CDH13: variants seen among roughly 807,000 people sequenced by gnomAD.
The protein encoded by CDH13 is cadherin-13.
In CDH13, 24 loss-of-function variants were observed where a neutral mutation model predicts 63.8. That is an observed-to-expected ratio of 0.38 (90% confidence interval 0.27 to 0.53). CDH13 has a LOEUF of 0.53. Ranked by LOEUF, CDH13 falls within the 20% of genes least tolerant of loss-of-function variation. CDH13 has a pLI of 0.85. For synonymous variants in CDH13, 503 were observed against 355.3 expected (o/e 1.42, Z -4.67); for missense variants, 1,049 against 903.1 (o/e 1.16, Z -2.07).
intron 5 of CDH13, among the ~76,000 whole-genome samples, chr16:83,316,769 G>C (rs1597730177): frequency 2.6e-5 from 4 of 152,276 alleles, no homozygotes; most frequent in South Asian, 2.1e-4. Flanking sequence ...GGTATTAGTT[G>C]GGTTACTTTT....
intron 6 of CDH13, among the ~76,000 whole-genome samples, chr16:83,460,598 A>C (rs1226846733): frequency 6.6e-6 from 1 of 152,164 alleles, no homozygotes; most frequent in African/African-American, 2.4e-5. Context: ...ATACAAACAG[A>C]TGATTTCATT....
rs539275478 is a variant in CDH13, at chr16:83,288,619, T to C, written c.637-56243T>C. On this transcript the variant is annotated intron_variant, in intron 5 of 13. Coordinates refer to ENST00000567109, the MANE Select transcript of CDH13 (RefSeq NM_001257.5). ...TGCGGTGACATTCACATGGCAGAGT[T>C]ACCAAGAAGAAAGCTTGTGTCCCCA... Among the ~76,000 whole-genome samples, 3 of 152,318 alleles carry C rather than the reference T, an allele frequency of 2.0e-5. No individual in the cohort carries two copies. In the East Asian group the frequency reaches 5.8e-4, roughly 29 times the overall value.
intron 4 of CDH13, among the ~76,000 whole-genome samples, chr16:83,137,896 T>A (rs1003136913): frequency 6.6e-6 from 1 of 151,552 alleles, no homozygotes; most frequent in African/African-American, 2.4e-5. Context: ...AGGGGAGGAA[T>A]GAATGAAGAA....
In CDH13 at chr16:83,141,217, C is replaced by T. The variant is rs79242678; in HGVS notation, c.483+15716C>T. ...AATACCTCACTTGATAGATAAGACA[C>T]AAAATGATTTTTCTGGGATCACAAG... is the stretch of plus-strand genomic sequence containing the variant. On this transcript the variant is annotated intron_variant, in intron 4 of 13. Coordinates refer to ENST00000567109, the MANE Select transcript of CDH13 (RefSeq NM_001257.5). 1.0e-2 allele frequency among the ~76,000 whole-genome samples: 1,520 copies of T among 152,274 alleles called. 29 individuals are homozygous for T. The highest frequency in any genetic ancestry group is 0.035 in the African/African-American group (1,458 of 41,554).
chr16:82,914,842 A>C (rs534974265), intron 2 of CDH13, among the ~76,000 whole-genome samples: 1 of 152,150 alleles, frequency 6.6e-6, no homozygotes, highest in Non-Finnish European at 1.5e-5. Flanking sequence ...GACTCTCCAA[A>C]TTTGTTTAAC....
chr16:82,659,047 G>A (rs950383018), intron 1 of CDH13, among the ~76,000 whole-genome samples: 5 of 152,174 alleles, frequency 3.3e-5, no homozygotes, highest in Non-Finnish European at 7.3e-5. Context: ...CTGTGAGCAG[G>A]GAGGCCACCA....
chr16:82,811,888 A>T (rs145743363), intron 1 of CDH13, among the ~76,000 whole-genome samples: 63 of 152,296 alleles, frequency 4.1e-4, no homozygotes, highest in African/African-American at 1.4e-3. Flanking sequence ...TTTAGGGAAG[A>T]TGACCATGAG....
chr16:83,112,873 A>T (rs562754516), intron 3 of CDH13, among the ~76,000 whole-genome samples: 2 of 152,300 alleles, frequency 1.3e-5, no homozygotes, highest in Admixed American at 1.3e-4. Context: ...TTTGGCTATT[A>T]GGATAATTTC....
At chr16:83,000,596 G>A (rs368129079) in intron 2 of CDH13, among the ~76,000 whole-genome samples, 2 of 96,058 alleles carry the variant, frequency 2.1e-5, no homozygotes, top group African/African-American at 3.9e-5. Flanking sequence ...TTTTTGTTTT[G>A]TTTTGTTTTT....
intron 11 of CDH13, among the ~76,000 whole-genome samples, chr16:83,772,064 G>T (rs1055765916): frequency 1.3e-5 from 2 of 152,148 alleles, no homozygotes; most frequent in Admixed American, 6.5e-5. Flanking sequence ...GGAGAAGGAT[G>T]GGGGGTGACT....
chr16:83,328,959 C>T (rs1386046641), intron 5 of CDH13, among the ~76,000 whole-genome samples: 1 of 152,172 alleles, frequency 6.6e-6, no homozygotes, highest in African/African-American at 2.4e-5. Context: ...TCACAGTAAG[C>T]AAGTTTGTCA....
intron 6 of CDH13, among the ~76,000 whole-genome samples, chr16:83,474,137 C>A (rs776306885): frequency 1.3e-5 from 2 of 152,062 alleles, no homozygotes; most frequent in African/African-American, 4.8e-5. Flanking sequence ...GATCTAATTA[C>A]CCTGGCAGGG....
intron 5 of CDH13, among the ~76,000 whole-genome samples, chr16:83,290,857 T>A (rs2089449642): frequency 6.6e-6 from 1 of 152,134 alleles, no homozygotes; most frequent in Non-Finnish European, 1.5e-5. Flanking sequence ...TTCCTGACTG[T>A]TCTCTCTGCC....
At position 82,627,016 on chromosome 16, in the gene CDH13, T is replaced by C; in HGVS notation, c.-77T>C. ...CGAGGCAGAGCCTCTCCTCAAAGCC[T>C]GGCTCCCACGGAAAATATGCTCAGT... is the stretch of plus-strand genomic sequence containing the variant. On this transcript the variant is annotated 5_prime_UTR_variant, in exon 1 of 14. Transcript: ENST00000567109. 1 of 1,523,710 alleles carries C rather than the reference T, an allele frequency of 6.6e-7. No homozygotes were observed. Among genetic ancestry groups the C allele is most frequent in the Non-Finnish European group, 8.9e-7 (1 of 1,120,972 alleles). The allele number at this position is 1,523,710 out of a possible 1,614,324, so 94.4% of individuals were successfully genotyped here. A position where few individuals can be genotyped will look rare whatever the true frequency, so the allele number is the denominator to read the frequency against.
At chr16:83,636,989 T>C (rs1911321701) in intron 8 of CDH13, among the ~76,000 whole-genome samples, 1 of 152,214 alleles carries the variant, frequency 6.6e-6, no homozygotes, top group Admixed American at 6.5e-5. Flanking sequence ...ATGGTTTTGA[T>C]TTGCATTTCT....
At chr16:82,637,842 G>A (rs1200904458) in intron 1 of CDH13, 2 of 152,192 alleles carry the variant, frequency 1.3e-5, no homozygotes, top group African/African-American at 4.8e-5. Context: ...GTCTGTGCGT[G>A]GGCGAGTCCA....
intron 11 of CDH13, among the ~76,000 whole-genome samples, chr16:83,777,410 A>G (rs1410200321): frequency 6.6e-6 from 1 of 152,214 alleles, no homozygotes; most frequent in Non-Finnish European, 1.5e-5. Context: ...TATGACCTGC[A>G]GCTGCGCTGA....
chr16:82,879,930 TATATA>T lies in CDH13; in HGVS notation c.157+21463_157+21467del, dbSNP rs1386900980. Among the ~76,000 whole-genome samples the T allele has an allele frequency of 3.7e-4, 49 of 132,862 alleles. No homozygotes were observed. In the East Asian group the frequency reaches 0.01, roughly 28 times the overall value. 87.2% of individuals were successfully genotyped at this position (132,862 alleles called of 152,430 possible). ...ATTATATATTTAGATATTATAGAAA[TATATA>T]ATATATATTATAACATCAGTATGTA... On this transcript the variant is annotated intron_variant, in intron 2 of 13. Coordinates refer to ENST00000567109, the MANE Select transcript of CDH13 (RefSeq NM_001257.5).
intron 7 of CDH13, among the ~76,000 whole-genome samples, chr16:83,557,231 G>C (rs998014212): frequency 2.0e-5 from 3 of 152,162 alleles, no homozygotes; most frequent in African/African-American, 7.2e-5. Context: ...ATCACCCCCA[G>C]ATGAGACCAT....
Sources: allele counts gnomAD v4.1 joint callset (sites outside exome capture counted in the v4.1 genomes callset), GRCh38; gene constraint gnomAD v4.1.1; transcripts MANE v1.5; gene names NCBI Gene and HGNC (gene_info 2026-07-23, HGNC 2026-07-21).